The following GPHN variants were observed in gnomAD, a reference collection of about 807,000 sequenced individuals.
GPHN encodes the protein gephyrin.
In GPHN, 17 loss-of-function variants were observed where a neutral mutation model predicts 95.5. That is an observed-to-expected ratio of 0.18 (90% CI 0.12 to 0.27). GPHN has a LOEUF of 0.27. Among genes scored for constraint, GPHN ranks in the 10% least tolerant of loss-of-function variants. The pLI, the probability that GPHN is intolerant of heterozygous loss-of-function variation, is 1.00. For missense variants in GPHN, 660 were observed against 978.1 expected, an observed-to-expected ratio of 0.67 and a Z score of 4.34; for synonymous variants, 320 against 322.5, an observed-to-expected ratio of 0.99 and a Z score of 0.08.
At chr14:66,561,617 A>C (rs1438720554) in intron 1 of GPHN, among the ~76,000 whole-genome samples, 1 of 152,170 alleles carries the variant, frequency 6.6e-6, no homozygotes, top group Non-Finnish European at 1.5e-5. Flanking sequence ...TGTAACTAGA[A>C]TATAGTTTAT....
chr14:66,994,374 AAAAAG>A lies in GPHN; in HGVS notation c.963+29054_963+29058del, dbSNP rs147301758. On this transcript the variant is annotated intron_variant, in intron 9 of 22. Transcript: ENST00000478722. ...GAGTAAAACTGTCTCAAAAAAAAGA[AAAAAG>A]AAAAAGAAAAATCTATCTTATCCTG... 2.6e-5 allele frequency among the ~76,000 whole-genome samples: 4 copies of A among 152,176 alleles called. No individual in the cohort carries two copies. In the East Asian group the frequency reaches 7.7e-4, roughly 29 times the overall value.
At position 66,611,384 on chromosome 14, in the gene GPHN, G is replaced by A. The variant is rs77908044; in HGVS notation, c.65-69723G>A. On this transcript the variant is annotated intron_variant, in intron 1 of 22. Coordinates refer to ENST00000478722, the MANE Select transcript of GPHN (RefSeq NM_020806.5). ...TAAGATACCCTTAACACTGATATAC[G>A]TCCATTTTGTTTTAAGAGCATTTCT... Among the ~76,000 whole-genome samples the A allele has an allele frequency of 4.9e-3, 751 of 152,134 alleles. 38 individuals carry two copies. The East Asian group carries it at 0.12, about 24-fold the overall frequency.
chr14:67,665,095 C>T, the GPHN span, among the ~76,000 whole-genome samples: 1 of 152,094 alleles, frequency 6.6e-6, no homozygotes, highest in Non-Finnish European at 1.5e-5. Flanking sequence ...TTGTGTGGTC[C>T]ACCCATCTCG....
At chr14:66,825,519 C>G (rs957900894) in intron 4 of GPHN, among the ~76,000 whole-genome samples, 2 of 152,068 alleles carry the variant, frequency 1.3e-5, no homozygotes, top group African/African-American at 4.8e-5. Context: ...CTTGACCCCC[C>G]ACCCCTAGAG....
the GPHN span, chr14:67,392,328 G>C: frequency 3.1e-6 from 5 of 1,589,618 alleles, no homozygotes; most frequent in Non-Finnish European, 4.3e-6. Flanking sequence ...AGCCATACCT[G>C]CTTGGCCAGG....
chr14:67,546,027 C>T, the GPHN span, among the ~76,000 whole-genome samples: 7 of 151,732 alleles, frequency 4.6e-5, no homozygotes, highest in Admixed American at 4.6e-4. Flanking sequence ...GTTGCAAAGT[C>T]AAATGCTTAC....
the GPHN span, chr14:67,578,517 G>C: frequency 1.7e-4 from 265 of 1,578,600 alleles, no homozygotes; most frequent in Non-Finnish European, 2.2e-4. This position sits in a 1 kb window ranked among gnomAD's most constrained non-coding sequence, Gnocchi z 5.0. Context: ...ACCCCACGCT[G>C]TCTGTGTCCC....
chr14:67,283,124 G>C, the GPHN span, among the ~76,000 whole-genome samples: 1 of 152,028 alleles, frequency 6.6e-6, no homozygotes, highest in African/African-American at 2.4e-5. Flanking sequence ...TGTGATTAGG[G>C]GCTTTCTAAT....
At chr14:67,374,767 G>GT in the GPHN span, 4 of 358,842 alleles carry the variant, frequency 1.1e-5, no homozygotes, top group Admixed American at 9.2e-5. Flanking sequence ...AAAATACGGG[G>GT]TTTTTTTGTT....
chr14:66,548,608 C>T (rs952869801), intron 1 of GPHN, among the ~76,000 whole-genome samples: 4 of 152,174 alleles, frequency 2.6e-5, no homozygotes, highest in African/African-American at 7.2e-5. Flanking sequence ...TCAGGCTTCC[C>T]TATTCCCTGA....
intron 1 of GPHN, among the ~76,000 whole-genome samples, chr14:66,580,270 A>G (rs2061100283): frequency 6.6e-6 from 1 of 151,966 alleles, no homozygotes; most frequent in African/African-American, 2.4e-5. Context: ...AAGAAGAAAA[A>G]TCTCAATCTA....
chr14:67,657,898 G>A, the GPHN span, among the ~76,000 whole-genome samples: 2 of 151,908 alleles, frequency 1.3e-5, no homozygotes, highest in Non-Finnish European at 2.9e-5. Context: ...ACAGGCACCC[G>A]CCACCACGCC....
the GPHN span, among the ~76,000 whole-genome samples, chr14:67,475,649 T>G: frequency 6.6e-6 from 1 of 152,170 alleles, no homozygotes; most frequent in African/African-American, 2.4e-5. Flanking sequence ...TTAAATGGGG[T>G]TTTGGTGTTT....
the GPHN span, among the ~76,000 whole-genome samples, chr14:67,565,572 C>T: frequency 2.0e-5 from 3 of 152,214 alleles, no homozygotes; most frequent in Non-Finnish European, 4.4e-5. Context: ...GCCCAGCTCT[C>T]ACATTCCAGC....
chr14:66,583,940 G>C (rs1481010443), intron 1 of GPHN, among the ~76,000 whole-genome samples: 1 of 152,074 alleles, frequency 6.6e-6, no homozygotes, highest in African/African-American at 2.4e-5. Context: ...TTGGTAGCTT[G>C]ATGGGGATGG....
chr14:67,665,619 T>C, the GPHN span, among the ~76,000 whole-genome samples: 4 of 152,276 alleles, frequency 2.6e-5, no homozygotes, highest in African/African-American at 9.6e-5. Context: ...GTATATTCTA[T>C]AATCTCAACT....
intron 17 of GPHN, among the ~76,000 whole-genome samples, chr14:67,134,953 CTTTTTTTT>C (rs57933607): frequency 4.4e-5 from 2 of 45,252 alleles, no homozygotes; most frequent in Admixed American, 2.5e-4. Flanking sequence ...TTTCTTTCTT[CTTTTTTTT>C]TTTTTTTTTT....
chr14:67,150,470 A>ACAAAAAT (rs1346963893), intron 18 of GPHN, among the ~76,000 whole-genome samples: 6 of 148,534 alleles, frequency 4.0e-5, no homozygotes, highest in Non-Finnish European at 6.0e-5. Context: ...AAAAAAAAAA[A>ACAAAAAT]AAACATTGTA....
chr14:66,564,515 A>G (rs1294919457), intron 1 of GPHN, among the ~76,000 whole-genome samples: 1 of 152,194 alleles, frequency 6.6e-6, no homozygotes. Context: ...TTATTTAAGT[A>G]GGGCCTGAGA....
Sources: allele counts gnomAD v4.1 joint callset (sites outside exome capture counted in the v4.1 genomes callset), GRCh38; gene constraint gnomAD v4.1.1; non-coding constraint Gnocchi (gnomAD v3.1); transcripts MANE v1.5; gene names NCBI Gene and HGNC (gene_info 2026-07-23, HGNC 2026-07-21).